EML5: variants seen among roughly 807,000 people sequenced by gnomAD.
EML5 encodes EMAP like 5.
In EML5, 120 loss-of-function variants were observed where a neutral mutation model predicts 250.0. The ratio of observed to expected loss-of-function variants is 0.48; its 90% CI spans 0.41 to 0.56. The LOEUF is 0.56. EML5 is among the 20% of genes least tolerant of loss of function. The pLI is 0.00. For missense variants in EML5, 2,006 were observed against 2,437.6 expected, an observed-to-expected ratio of 0.82 and a Z score of 3.73; for synonymous variants, 771 against 806.5, an observed-to-expected ratio of 0.96 and a Z score of 0.75.
chr14:88,689,469 A>G (rs1279914564), intron 17 of EML5, among the ~76,000 whole-genome samples: 2 of 152,230 alleles, frequency 1.3e-5, no homozygotes, highest in Non-Finnish European at 2.9e-5. Flanking sequence ...ATATTATGCT[A>G]GATCACATTT....
At chr14:88,708,079 C>A (rs2093347725) in intron 10 of EML5, among the ~76,000 whole-genome samples, 1 of 152,132 alleles carries the variant, frequency 6.6e-6, no homozygotes, top group Non-Finnish European at 1.5e-5. Flanking sequence ...CCAAACTTTT[C>A]TTTGAGACTT....
chr14:88,741,025 T>C (rs2093917198), intron 4 of EML5, among the ~76,000 whole-genome samples: 1 of 152,008 alleles, frequency 6.6e-6, no homozygotes, highest in Non-Finnish European at 1.5e-5. Context: ...TAGCCAGGTA[T>C]GGTGGCGCAT....
In EML5 at chr14:88,625,119, C is replaced by T. The variant is rs1199858141; in HGVS notation, c.4749G>A (p.Leu1583=). ...MLAIAFGANN[L]TFTGTISGDV... is the part of the protein sequence containing the mutation. ...CACCACTGATGGTACCTGTAAACGT[C>T]AAGTTATTCTGAAAAGGAGTGGGGG... is the stretch of plus-strand genomic sequence containing the variant. The change falls in exon 36 of 44, where the codon TTG becomes TTA. Residue 1583 remains leucine (L), a synonymous_variant. Transcript: ENST00000554922. 1 of 1,613,312 alleles carries T rather than the reference C, an allele frequency of 6.2e-7. No homozygotes were observed. Among genetic ancestry groups the T allele is most frequent in the East Asian group, 2.2e-5 (1 of 44,884 alleles).
chr14:88,784,989 C>T (rs2094536396), intron 1 of EML5, among the ~76,000 whole-genome samples: 1 of 152,142 alleles, frequency 6.6e-6, no homozygotes, highest in African/African-American at 2.4e-5. Context: ...GGTATATATA[C>T]ACAATGGAGT....
At chr14:88,677,453 G>A (rs974749289) in intron 21 of EML5, among the ~76,000 whole-genome samples, 7 of 152,090 alleles carry the variant, frequency 4.6e-5, no homozygotes, top group Non-Finnish European at 8.8e-5. Flanking sequence ...TTGGCAAATG[G>A]GATCTAATTA....
intron 21 of EML5, among the ~76,000 whole-genome samples, chr14:88,668,762 T>C (rs1489788647): frequency 6.6e-6 from 1 of 152,002 alleles, no homozygotes; most frequent in South Asian, 2.1e-4. Flanking sequence ...AAGATTAATA[T>C]AGTAAGTATC....
chr14:88,728,334 A>G (rs4548803), intron 7 of EML5, among the ~76,000 whole-genome samples: 26,763 of 97,382 alleles, frequency 0.27, 2,908 homozygotes, highest in East Asian at 0.63. Context: ...ACCAGTTAGA[A>G]GCACCAATTC....
At chr14:88,649,243 C>G (rs571122419) in intron 28 of EML5, among the ~76,000 whole-genome samples, 1 of 152,230 alleles carries the variant, frequency 6.6e-6, no homozygotes, top group African/African-American at 2.4e-5. Flanking sequence ...ATCATGTTGT[C>G]TAGGCTGGTC....
intron 8 of EML5, among the ~76,000 whole-genome samples, chr14:88,720,263 G>A (rs888396210): frequency 6.6e-6 from 1 of 151,938 alleles, no homozygotes; most frequent in Non-Finnish European, 1.5e-5. Flanking sequence ...TGATAAGGAG[G>A]GACTCCTCCC....
At chr14:88,737,907 T>C (rs2093869048) in intron 6 of EML5, among the ~76,000 whole-genome samples, 2 of 152,200 alleles carry the variant, frequency 1.3e-5, no homozygotes, top group Admixed American at 1.3e-4. Flanking sequence ...ATAATCTTTT[T>C]ACTTGTCTAT....
At chr14:88,699,481 T>C (rs1165918744) in intron 14 of EML5, among the ~76,000 whole-genome samples, 1 of 152,114 alleles carries the variant, frequency 6.6e-6, no homozygotes, top group Non-Finnish European at 1.5e-5. Context: ...CATTTATAGC[T>C]TGTGGCTATT....
At chr14:88,676,435 C>T (rs141271412) in intron 21 of EML5, among the ~76,000 whole-genome samples, 20 of 152,276 alleles carry the variant, frequency 1.3e-4, no homozygotes, top group South Asian at 2.1e-4. Context: ...CTCACTATCA[C>T]GAGAACAGCA....
chr14:88,762,320 G>A (rs1468025054), intron 1 of EML5, among the ~76,000 whole-genome samples: 1 of 152,132 alleles, frequency 6.6e-6, no homozygotes, highest in Non-Finnish European at 1.5e-5. Flanking sequence ...AGACTAGCCT[G>A]ACCAACACAG....
intron 1 of EML5, among the ~76,000 whole-genome samples, chr14:88,776,707 C>T (rs1378085505): frequency 2.1e-5 from 3 of 140,950 alleles, no homozygotes; most frequent in Non-Finnish European, 3.0e-5. Flanking sequence ...ATGGCAAAAC[C>T]CTGTCTCTAC....
intron 36 of EML5, 32 bp downstream of exon 36, chr14:88,624,938 A>G: frequency 1.2e-6 from 2 of 1,609,938 alleles, no homozygotes; most frequent in Non-Finnish European, 1.7e-6. Context: ...TCACAAATGC[A>G]TAAATATTCT....
At chr14:88,763,735 A>C (rs2094282005) in intron 1 of EML5, among the ~76,000 whole-genome samples, 1 of 152,252 alleles carries the variant, frequency 6.6e-6, no homozygotes, top group African/African-American at 2.4e-5. Context: ...ATCCCTGATG[A>C]ACATCGATGC....
chr14:88,777,726 C>T (rs1421771189), intron 1 of EML5, among the ~76,000 whole-genome samples: 4 of 152,200 alleles, frequency 2.6e-5, no homozygotes, highest in Non-Finnish European at 5.9e-5. Context: ...CCTGTAATCC[C>T]GGCACTTTGG....
Position 88,646,972 on chromosome 14 carries a change from A to G in EML5, c.4020-17T>C. 2 of 1,590,292 alleles carry G rather than the reference A, an allele frequency of 1.3e-6. No individual in the cohort carries two copies. The highest frequency in any genetic ancestry group is 1.7e-5 in the Admixed American group (1 of 57,618). On this transcript the variant is annotated splice_polypyrimidine_tract_variant and intron_variant, in intron 28 of 43. Transcript: ENST00000554922. Reference sequence around the variant, plus strand: ...CTGGAACCTCTTTTCAGCAGCAGATAAAGAGGGAAAAAGATTACAACATAA... The same window carrying G: ...CTGGAACCTCTTTTCAGCAGCAGATGAAGAGGGAAAAAGATTACAACATAA...
rs771576231 is a variant in EML5 at position 88,688,309 on chromosome 14, G to A, written c.2704C>T (p.His902Tyr). The change falls in exon 18 of 44, where the codon CAT becomes TAT. Residue 902 changes from histidine to tyrosine, a missense_variant. Physicochemically the swap from His to Tyr is moderately conservative, Grantham distance 83 (BLOSUM62 2). Around this residue, in one of 7 missense-constraint regions of EML5, gnomAD observed 1,375 missense variants for 1,590.3 expected, o/e 0.86. Transcript: ENST00000554922. ...DIFLVKTVKAHDGPVFSMHAL... is the reference protein window; with the variant it reads ...DIFLVKTVKAYDGPVFSMHAL... ...TGCATACTGAACACTGGCCCATCAT[G>A]CGCTTTCACTGTTTTTACAAGAAAG... 4 of 1,613,890 alleles carry A rather than the reference G, an allele frequency of 2.5e-6. No individual in the cohort carries two copies. The East Asian group carries it at 6.7e-5, about 27-fold the overall frequency.
Sources: gnomAD v4.1 joint callset for allele counts (sites outside exome capture counted in the v4.1 genomes callset) on GRCh38, gnomAD v4.1.1 for gene constraint, gnomAD v4.1.1 regional missense constraint, MANE v1.5 for transcripts, NCBI Gene and HGNC (gene_info 2026-07-23, HGNC 2026-07-21) for gene names.